KCNQ3: variants seen among roughly 807,000 people sequenced by gnomAD.
KCNQ3 encodes the protein potassium voltage-gated channel subfamily Q member 3.
A neutral mutation model predicts 92.5 loss-of-function variants in KCNQ3; 30 were observed. That is an observed-to-expected ratio of 0.32 (90% CI 0.24 to 0.44). The LOEUF is 0.44. KCNQ3 is among the 20% of genes least tolerant of loss of function. KCNQ3 has a pLI of 1.00. For missense variants in KCNQ3, 913 were observed against 1,140.3 expected (o/e 0.80, Z 2.87); for synonymous variants, 450 against 468.8 (o/e 0.96, Z 0.52).
intron 1 of KCNQ3, among the ~76,000 whole-genome samples, chr8:132,249,214 G>A (rs1815304320): frequency 6.6e-6 from 1 of 152,196 alleles, no homozygotes; most frequent in Admixed American, 6.5e-5. Context: ...GGGGACCCAA[G>A]CAGGTTGCCA....
At chr8:132,331,271 CTGAGA>C (rs978287232) in intron 1 of KCNQ3, among the ~76,000 whole-genome samples, 10 of 152,192 alleles carry the variant, frequency 6.6e-5, no homozygotes, top group African/African-American at 2.4e-4. Flanking sequence ...AATAAAGGCC[CTGAGA>C]TTCAACCTCA....
chr8:132,211,305 C>G (rs1275011925), intron 1 of KCNQ3, among the ~76,000 whole-genome samples: 1 of 152,212 alleles, frequency 6.6e-6, no homozygotes, highest in Non-Finnish European at 1.5e-5. Flanking sequence ...TACACCCTTC[C>G]AGGTGAACTG....
At chr8:132,227,553 T>A (rs1237654982) in intron 1 of KCNQ3, among the ~76,000 whole-genome samples, 1 of 152,212 alleles carries the variant, frequency 6.6e-6, no homozygotes, top group Admixed American at 6.5e-5. Context: ...GAAAAATAAG[T>A]TTCTGCAGTT....
chr8:132,221,474 T>C (rs576899742), intron 1 of KCNQ3, among the ~76,000 whole-genome samples: 1 of 152,296 alleles, frequency 6.6e-6, no homozygotes, highest in Admixed American at 6.5e-5. Flanking sequence ...CTCTCCAGCA[T>C]CTGTTGTTTC....
intron 1 of KCNQ3, among the ~76,000 whole-genome samples, chr8:132,411,795 A>G (rs1481714196): frequency 1.3e-5 from 2 of 152,154 alleles, no homozygotes; most frequent in African/African-American, 4.8e-5. Flanking sequence ...TCATTCTCTA[A>G]GCACAAGGAC....
intron 1 of KCNQ3, among the ~76,000 whole-genome samples, chr8:132,451,987 C>T (rs1821830160): frequency 6.6e-6 from 1 of 152,070 alleles, no homozygotes; most frequent in Non-Finnish European, 1.5e-5. Context: ...TTGGAGGGCA[C>T]CTTTAAAGTC....
chr8:132,151,305 T>C (rs1001689274), intron 9 of KCNQ3, among the ~76,000 whole-genome samples: 10 of 152,216 alleles, frequency 6.6e-5, no homozygotes, highest in African/African-American at 7.2e-5. Context: ...TGGAAATAGA[T>C]TTATGTGCAA....
rs984096651 is a variant in KCNQ3, at chr8:132,130,270, CG to C, written c.1885-275del. Among the ~76,000 whole-genome samples, 72 of 151,994 alleles carry C rather than the reference CG, an allele frequency of 4.7e-4. 1 individual carries two copies. The highest frequency in any genetic ancestry group is 1.7e-3 in the African/African-American group (70 of 41,452). On this transcript the variant is annotated intron_variant, in intron 14 of 14. Coordinates refer to ENST00000388996, the MANE Select transcript of KCNQ3 (RefSeq NM_004519.4). ...CTAATGTTTGTATTATTAGTAGAGA[CG>C]GGGTTTCACAATCTTGGCCAGGCTG...
At chr8:132,342,093 T>C (rs1470144336) in intron 1 of KCNQ3, among the ~76,000 whole-genome samples, 1 of 152,168 alleles carries the variant, frequency 6.6e-6, no homozygotes, top group Non-Finnish European at 1.5e-5. Context: ...TCCCAATTCA[T>C]GTCCACTGTT....
chr8:132,313,162 G>A (rs1817644568), intron 1 of KCNQ3, among the ~76,000 whole-genome samples: 1 of 152,218 alleles, frequency 6.6e-6, no homozygotes, highest in Non-Finnish European at 1.5e-5. Context: ...AAATTAAGGG[G>A]AGAATAAAGA....
intron 1 of KCNQ3, among the ~76,000 whole-genome samples, chr8:132,340,949 T>C (rs1818512600): frequency 6.6e-6 from 1 of 152,224 alleles, no homozygotes; most frequent in Non-Finnish European, 1.5e-5. Flanking sequence ...CTACATGTGA[T>C]CATTCATCTA....
At chr8:132,478,230 A>C (rs889931435) in intron 1 of KCNQ3, among the ~76,000 whole-genome samples, 2 of 152,144 alleles carry the variant, frequency 1.3e-5, no homozygotes. Flanking sequence ...AAAAAATAAA[A>C]TTGAGGCTCA....
At chr8:132,143,658 T>G (rs1453224404) in intron 9 of KCNQ3, among the ~76,000 whole-genome samples, 7 of 152,186 alleles carry the variant, frequency 4.6e-5, no homozygotes. Context: ...AATGAGGTAA[T>G]GCATGTCGAG....
At chr8:132,239,291 T>C (rs1319724127) in intron 1 of KCNQ3, among the ~76,000 whole-genome samples, 1 of 152,196 alleles carries the variant, frequency 6.6e-6, no homozygotes, top group Non-Finnish European at 1.5e-5. Flanking sequence ...CTGCTCCTCT[T>C]TGGCAAATTG....
chr8:132,165,059 CT>C (rs1488353413), intron 8 of KCNQ3, among the ~76,000 whole-genome samples: 2 of 152,164 alleles, frequency 1.3e-5, no homozygotes, highest in Non-Finnish European at 2.9e-5. Context: ...CACATTTATC[CT>C]TCTCTACTAG....
chr8:132,271,254 G>A (rs999890360), intron 1 of KCNQ3, among the ~76,000 whole-genome samples: 7 of 152,230 alleles, frequency 4.6e-5, no homozygotes, highest in African/African-American at 1.7e-4. Flanking sequence ...AAAGGGCAAG[G>A]GCTTTGTCAC....
At chr8:132,317,933 T>G (rs1226934816) in intron 1 of KCNQ3, among the ~76,000 whole-genome samples, 1 of 151,936 alleles carries the variant, frequency 6.6e-6, no homozygotes. Flanking sequence ...CAGTGGCTAA[T>G]AAATACAATG....
At chr8:132,292,506 A>G (rs1816887261) in intron 1 of KCNQ3, among the ~76,000 whole-genome samples, 1 of 152,180 alleles carries the variant, frequency 6.6e-6, no homozygotes, top group African/African-American at 2.4e-5. Flanking sequence ...GGGTGGATAT[A>G]TGGAAGGAAG....
intron 1 of KCNQ3, among the ~76,000 whole-genome samples, chr8:132,311,145 G>T (rs1408905929): frequency 1.3e-5 from 2 of 152,050 alleles, no homozygotes; most frequent in Admixed American, 6.6e-5. Flanking sequence ...GGCCAGGATG[G>T]TCTCGATCTC....
Sources: allele counts gnomAD v4.1 joint callset (sites outside exome capture counted in the v4.1 genomes callset), GRCh38; gene constraint gnomAD v4.1.1; transcripts MANE v1.5; gene names NCBI Gene and HGNC (gene_info 2026-07-23, HGNC 2026-07-21).